The following MMP20 variants were observed in gnomAD, a reference collection of about 807,000 sequenced individuals.
MMP20 encodes the protein matrix metalloproteinase-20.
In MMP20, 50 loss-of-function variants were observed where a neutral mutation model predicts 51.8. The observed-to-expected ratio is 0.97, with a 90% CI of 0.77 to 1.22. MMP20 has a LOEUF of 1.22. MMP20 is among the 50% of genes most tolerant of loss of function. MMP20 has a pLI of 0.00. For missense variants in MMP20, 663 were observed against 601.4 expected (o/e 1.10, Z -1.07); for synonymous variants, 244 against 216.2 (o/e 1.13, Z -1.13).
intron 2 of MMP20, 117 bp downstream of exon 2, chr11:102,616,695 A>G: frequency 7.5e-7 from 1 of 1,331,976 alleles, no homozygotes; most frequent in Non-Finnish European, 1.1e-6. Flanking sequence ...TCTTATTCTT[A>G]TGGTTGTGAG....
chr11:102,579,509 G>C (rs1189931313), intron 8 of MMP20, among the ~76,000 whole-genome samples: 3 of 151,714 alleles, frequency 2.0e-5, no homozygotes, highest in Non-Finnish European at 4.4e-5. Flanking sequence ...ACAGGGTCTT[G>C]CCATGTTGCC....
chr11:102,620,375 A>C (rs1859734590), intron 1 of MMP20, among the ~76,000 whole-genome samples: 1 of 152,192 alleles, frequency 6.6e-6, no homozygotes, highest in Admixed American at 6.5e-5. Context: ...GTGTGTACTT[A>C]GAATTGCTTT....
intron 8 of MMP20, among the ~76,000 whole-genome samples, chr11:102,588,681 G>T (rs1434067495): frequency 1.3e-5 from 2 of 152,132 alleles, no homozygotes; most frequent in South Asian, 2.1e-4. Context: ...ACTTACTACT[G>T]ATGCTCTCTG....
intron 5 of MMP20, chr11:102,607,166 T>C (rs1398320411): frequency 5.6e-6 from 1 of 179,586 alleles, no homozygotes. Flanking sequence ...CATAGACTCC[T>C]TGGCATCCTG....
chr11:102,617,757 C>T, intron 1 of MMP20, among the ~76,000 whole-genome samples: 1 of 151,972 alleles, frequency 6.6e-6, no homozygotes, highest in Admixed American at 6.6e-5. Context: ...GACATAAAGC[C>T]CCTCAGTATA....
At chr11:102,614,570 T>A (rs1026691392) in intron 2 of MMP20, among the ~76,000 whole-genome samples, 2 of 152,230 alleles carry the variant, frequency 1.3e-5, no homozygotes, top group African/African-American at 4.8e-5. Context: ...TACACATTTT[T>A]CTTGTCTTAT....
At chr11:102,586,265 C>A (rs919698604) in intron 8 of MMP20, among the ~76,000 whole-genome samples, 2 of 151,400 alleles carry the variant, frequency 1.3e-5, no homozygotes, top group Non-Finnish European at 2.9e-5. Flanking sequence ...ACCAGTGAAC[C>A]CTTCTGGGCC....
At chr11:102,618,279 T>A (rs1859700793) in intron 1 of MMP20, among the ~76,000 whole-genome samples, 1 of 151,908 alleles carries the variant, frequency 6.6e-6, no homozygotes, top group African/African-American at 2.4e-5. Context: ...ACTGATTGTA[T>A]TTAATTATAT....
intron 5 of MMP20, among the ~76,000 whole-genome samples, 168 bp downstream of exon 5, chr11:102,608,769 C>T (rs1859552840): frequency 6.6e-6 from 1 of 152,238 alleles, no homozygotes; most frequent in South Asian, 2.1e-4. Context: ...AATCACACAT[C>T]ACACACATAT....
chr11:102,613,666 A>C (rs1209113573), intron 2 of MMP20, among the ~76,000 whole-genome samples: 1 of 152,192 alleles, frequency 6.6e-6, no homozygotes, highest in Admixed American at 6.5e-5. Context: ...GACTGTGCCC[A>C]CAGAAAGGAT....
chr11:102,622,186 G>T lies in MMP20; in HGVS notation c.126+3008C>A, dbSNP rs77940238. The stretch of plus-strand genomic sequence containing the variant: ...CTTTTCAAGTGTAGATTTTTTAGGG[G>T]AGGGAGAGGTGTATGGTGTTTGGAA... On this transcript the variant is annotated intron_variant, in intron 1 of 9. Coordinates refer to ENST00000260228, the MANE Select transcript of MMP20 (RefSeq NM_004771.4). 6.8e-3 allele frequency among the ~76,000 whole-genome samples: 1,023 copies of T among 151,550 alleles called. 16 individuals are homozygous for T. Among genetic ancestry groups the T allele is most frequent in the African/African-American group, 0.024 (974 of 41,192 alleles).
At chr11:102,585,509 C>T (rs2135929746) in intron 8 of MMP20, among the ~76,000 whole-genome samples, 1 of 152,136 alleles carries the variant, frequency 6.6e-6, no homozygotes, top group Non-Finnish European at 1.5e-5. Flanking sequence ...TTAGAGTATT[C>T]TCTAGGGTTT....
rs148814048 is a variant in MMP20 at position 102,585,061 on chromosome 11, C to T, written c.1248-5919G>A. On this transcript the variant is annotated intron_variant, in intron 8 of 9. Coordinates refer to ENST00000260228, the MANE Select transcript of MMP20 (RefSeq NM_004771.4). Reference sequence around the variant, plus strand: ...TTTGAAATTGGGAAGTATGAATCCTCCAACTTTGTTCTTTTTAAAGATATT... The same window carrying T: ...TTTGAAATTGGGAAGTATGAATCCTTCAACTTTGTTCTTTTTAAAGATATT... Among the ~76,000 whole-genome samples the T allele has an allele frequency of 8.5e-5, 13 of 152,240 alleles. No individual in the cohort carries two copies. In the East Asian group the frequency reaches 2.5e-3, roughly 29 times the overall value.
At chr11:102,616,665 G>T in intron 2 of MMP20, 147 bp downstream of exon 2, 1 of 1,041,042 alleles carries the variant, frequency 9.6e-7, no homozygotes, top group Non-Finnish European at 1.4e-6. Context: ...GTCATTGCCT[G>T]ACGGATGGAT....
chr11:102,604,901 A>G (rs376121902), intron 6 of MMP20, among the ~76,000 whole-genome samples: 1 of 152,338 alleles, frequency 6.6e-6, no homozygotes, highest in East Asian at 1.9e-4. Context: ...CATATGTACA[A>G]TATCTAGCTC....
intron 8 of MMP20, among the ~76,000 whole-genome samples, chr11:102,590,910 T>C (rs994389497): frequency 1.3e-5 from 2 of 152,218 alleles, no homozygotes; most frequent in Non-Finnish European, 2.9e-5. Flanking sequence ...GTGTTAAGAA[T>C]AGCAGAGCAA....
intron 2 of MMP20, among the ~76,000 whole-genome samples, chr11:102,613,449 G>T (rs1370599738): frequency 6.6e-6 from 1 of 152,102 alleles, no homozygotes; most frequent in African/African-American, 2.4e-5. Flanking sequence ...ATAAATGAAT[G>T]AATTAAAGAA....
At chr11:102,611,936 A>G (rs1859606600) in intron 2 of MMP20, 33 bp from the exon 3 acceptor site, 4 of 1,609,214 alleles carry the variant, frequency 2.5e-6, no homozygotes, top group East Asian at 4.5e-5. Context: ...TTTTCTTTTC[A>G]GTAACTGCTC....
Position 102,593,697 on chromosome 11 carries a change from G to A in MMP20, c.1091-102C>T. ...GGCTCTTAAATGGGGTTAGTTTATG[G>A]GATACTTGCCATGGCTATAACCCAA... On this transcript the variant is annotated intron_variant, in intron 7 of 9. Transcript: ENST00000260228. 3.9e-6 allele frequency: 5 copies of A among 1,294,446 alleles called. No individual in the cohort carries two copies. The East Asian group carries it at 9.3e-5, about 24-fold the overall frequency. 80.2% of individuals were successfully genotyped at this position (1,294,446 alleles called of 1,614,324 possible). A position where few individuals can be genotyped will look rare whatever the true frequency, so the allele number is the denominator to read the frequency against.
Sources: gnomAD v4.1 joint callset for allele counts (sites outside exome capture counted in the v4.1 genomes callset) on GRCh38, gnomAD v4.1.1 for gene constraint, MANE v1.5 for transcripts, NCBI Gene and HGNC (gene_info 2026-07-23, HGNC 2026-07-21) for gene names.